TRMT9B: variants seen among roughly 807,000 people sequenced by gnomAD.
TRMT9B encodes the protein tRNA methyltransferase 9B (putative), also known as probable tRNA methyltransferase 9B.
Under a neutral mutation model 11.5 loss-of-function variants are expected in TRMT9B, and 16 were observed. The ratio of observed to expected loss-of-function variants is 1.39; its 90% CI spans 0.94 to 2.11. The LOEUF (loss-of-function observed/expected upper bound fraction) is 2.11, where lower values mean the gene tolerates loss of function less well. TRMT9B is among the 30% of genes most tolerant of loss of function. TRMT9B has a pLI of 0.00. For synonymous variants in TRMT9B, 274 were observed against 192.4 expected (o/e 1.42, Z -3.51); for missense variants, 941 against 553.8 (o/e 1.70, Z -7.02).
At chr8:12,948,710 C>G (rs1800386727) in intron 1 of TRMT9B, among the ~76,000 whole-genome samples, 1 of 152,038 alleles carries the variant, frequency 6.6e-6, no homozygotes, top group Non-Finnish European at 1.5e-5. Flanking sequence ...CCTGTAATCC[C>G]AGCACTTTGG....
intron 4 of TRMT9B, among the ~76,000 whole-genome samples, chr8:13,016,486 G>C (rs894866327): frequency 2.0e-5 from 3 of 150,324 alleles, no homozygotes; most frequent in African/African-American, 7.3e-5. Flanking sequence ...TCTATTTAAA[G>C]TTCTTATGTT....
chr8:13,004,028 C>CG (rs1216207056), intron 2 of TRMT9B, among the ~76,000 whole-genome samples: 1 of 151,760 alleles, frequency 6.6e-6, no homozygotes, highest in Non-Finnish European at 1.5e-5. Flanking sequence ...AACACCGTAT[C>CG]GAACTCAGTG....
intron 1 of TRMT9B, chr8:12,958,460 G>A (rs1168058758): frequency 6.6e-6 from 1 of 152,304 alleles, no homozygotes; most frequent in Non-Finnish European, 1.5e-5. Context: ...GCATCAGATT[G>A]GTGCCCAGCT....
intron 1 of TRMT9B, chr8:12,958,386 G>A (rs994693103): frequency 4.6e-5 from 7 of 152,050 alleles, no homozygotes; most frequent in East Asian, 1.9e-4. Context: ...AAAAATGGAA[G>A]GAAAAGAAAA....
intron 4 of TRMT9B, among the ~76,000 whole-genome samples, chr8:13,018,841 A>C (rs931106106): frequency 6.8e-6 from 1 of 147,144 alleles, no homozygotes; most frequent in Non-Finnish European, 1.6e-5. Context: ...AAGGCTTAGA[A>C]ACACTAAATA....
intron 1 of TRMT9B, among the ~76,000 whole-genome samples, chr8:12,970,820 A>G (rs1478218078): frequency 1.3e-5 from 2 of 152,186 alleles, no homozygotes. Flanking sequence ...TGTACAGGGT[A>G]ACACGTTTGG....
Position 13,023,366 on chromosome 8 carries a change from A to G in TRMT9B, c.*1322A>G, listed in dbSNP as rs546450570. 1 of 167,196 alleles carries G rather than the reference A, an allele frequency of 6.0e-6. No individual in the cohort carries two copies. The highest frequency in any genetic ancestry group is 2.1e-4 in the South Asian group (1 of 4,830). 10.4% of individuals were successfully genotyped at this position (167,196 alleles called of 1,614,324 possible). The stretch of plus-strand genomic sequence containing the variant: ...GATTTGCTGTATCCTTTAAAATAGT[A>G]TCTGGGCATTTATTTTATTGAAGGT... On this transcript the variant is annotated 3_prime_UTR_variant, in exon 5 of 5. Transcript: ENST00000524591.
chr8:12,977,571 C>T (rs974299865), intron 1 of TRMT9B, among the ~76,000 whole-genome samples: 2 of 152,000 alleles, frequency 1.3e-5, no homozygotes, highest in East Asian at 1.9e-4. Context: ...CGTGGTGGCA[C>T]ATGCCTATAA....
At chr8:12,979,198 C>G (rs978698998) in intron 1 of TRMT9B, among the ~76,000 whole-genome samples, 2 of 152,130 alleles carry the variant, frequency 1.3e-5, no homozygotes, top group South Asian at 2.1e-4. Flanking sequence ...GTGCTGCATC[C>G]AAAAATTCTC....
rs557249592 is a variant in TRMT9B, at chr8:13,029,458, G to A, written c.*7414G>A. ...TTTTTGTAGTAAGTATATTTTAAAT[G>A]GTGTAATTTGTGTGTTTATGATATG... On this transcript the variant is annotated 3_prime_UTR_variant, in exon 5 of 5. Coordinates refer to ENST00000524591, the MANE Select transcript of TRMT9B (RefSeq NM_020844.3). 3 of 166,998 alleles carry A rather than the reference G, an allele frequency of 1.8e-5. No individual in the cohort carries two copies. In the South Asian group the frequency reaches 6.2e-4, roughly 35 times the overall value. 10.3% of individuals were successfully genotyped at this position (166,998 alleles called of 1,614,324 possible).
rs34995506 is a variant in TRMT9B, at chr8:13,021,689, A to T, written c.1010A>T (p.His337Leu). 0.16 allele frequency: 252,440 copies of T among 1,613,704 alleles called. 20,580 individuals carry two copies. The highest frequency in any genetic ancestry group is 0.23 in the African/African-American group (17,393 of 74,954). ...ACTCTGAAACATTTAAATGGAGACC[A>T]TCAAGGGGAAATGAGGAGAAATGGA... ...PGTLKHLNGDHQGEMRRNGGG... is the reference protein window; with the variant it reads ...PGTLKHLNGDLQGEMRRNGGG... Residue 337 changes from histidine to leucine, a missense_variant, in exon 5 of 5, where the codon CAT (histidine) becomes CTT (leucine). By Grantham distance (99) the His-to-Leu change is moderately conservative. Coordinates refer to ENST00000524591, the MANE Select transcript of TRMT9B (RefSeq NM_020844.3).
chr8:13,012,388 C>A, intron 3 of TRMT9B: 1 of 557,876 alleles, frequency 1.8e-6, no homozygotes, highest in Non-Finnish European at 2.3e-6. Flanking sequence ...ACCAACCTGA[C>A]CAACATGGAG....
chr8:13,012,822 G>A lies in TRMT9B; in HGVS notation c.293G>A (p.Arg98Lys), dbSNP rs200792081. Residue 98 changes from arginine to lysine, a missense_variant, in exon 4 of 5, where the codon AGG becomes AAG. Transcript: ENST00000524591. ...MVCDNLNLPFRDEGFDAIISI... is the reference protein window; with the variant it reads ...MVCDNLNLPFKDEGFDAIISI... ...TGTGACAACCTTAATCTCCCCTTTA[G>A]GGATGAGGGCTTCGATGCCATCATC... is the stretch of plus-strand genomic sequence containing the variant. 2.7e-4 allele frequency: 438 copies of A among 1,613,810 alleles called. 2 individuals are homozygous for A. Among genetic ancestry groups the A allele is most frequent in the Non-Finnish European group, 3.6e-4 (419 of 1,179,872 alleles).
At chr8:12,970,496 C>G (rs532083696) in intron 1 of TRMT9B, among the ~76,000 whole-genome samples, 1 of 152,180 alleles carries the variant, frequency 6.6e-6, no homozygotes, top group Non-Finnish European at 1.5e-5. Flanking sequence ...TAAACGTGGA[C>G]TCCGTTGTTC....
rs978468277 is a variant in TRMT9B at position 13,019,423 on chromosome 8, C to T, written c.329-1585C>T. Among the ~76,000 whole-genome samples, 3 of 152,172 alleles carry T rather than the reference C, an allele frequency of 2.0e-5. No homozygotes were observed. The South Asian group carries it at 6.2e-4, about 31-fold the overall frequency. On this transcript the variant is annotated intron_variant, in intron 4 of 4. Transcript: ENST00000524591. ...CTTCCCACTTCAGCCTCCTGAGTAGCTGGAACTACAGGCACACACCAATGC... is the reference window on the plus strand; with the variant it reads ...CTTCCCACTTCAGCCTCCTGAGTAGTTGGAACTACAGGCACACACCAATGC...
intron 3 of TRMT9B, chr8:13,012,298 C>T (rs1720076061): frequency 1.0e-6 from 1 of 975,932 alleles, no homozygotes; most frequent in Non-Finnish European, 1.2e-6. Context: ...AAAAGTTGGC[C>T]AGGCACAGTG....
intron 2 of TRMT9B, among the ~76,000 whole-genome samples, chr8:12,995,539 A>G (rs1247597476): frequency 6.6e-6 from 1 of 152,096 alleles, no homozygotes; most frequent in Non-Finnish European, 1.5e-5. Flanking sequence ...ACATATATTA[A>G]TTGCCCGTTT....
At position 13,021,099 on chromosome 8, in the gene TRMT9B, C is replaced by T. The variant is rs142308288; in HGVS notation, c.420C>T (p.Tyr140=). The change falls in exon 5 of 5, where the codon TAC becomes TAT. Residue 140 remains tyrosine, a synonymous_variant. Coordinates refer to ENST00000524591, the MANE Select transcript of TRMT9B (RefSeq NM_020844.3). ...VLVPGGQLMI[Y]VWAMEQKNRH... is the part of the protein sequence containing the mutation. ...TTCCCGGAGGCCAACTGATGATTTA[C>T]GTTTGGGCAATGGAACAAAAGAACC... 31 of 1,610,714 alleles carry T rather than the reference C, an allele frequency of 1.9e-5. No individual in the cohort carries two copies. Among genetic ancestry groups the T allele is most frequent in the African/African-American group, 1.3e-5 (1 of 75,022 alleles).
At chr8:13,000,525 G>T (rs913655330) in intron 2 of TRMT9B, among the ~76,000 whole-genome samples, 5 of 152,142 alleles carry the variant, frequency 3.3e-5, no homozygotes, top group African/African-American at 1.2e-4. Flanking sequence ...CAATGTCTGG[G>T]ATCTCCTCTT....
Sources: gnomAD v4.1 joint callset for allele counts (sites outside exome capture counted in the v4.1 genomes callset) on GRCh38, gnomAD v4.1.1 for gene constraint, MANE v1.5 for transcripts, NCBI Gene and HGNC (gene_info 2026-07-23, HGNC 2026-07-21) for gene names.